Variants in EFCAB5 observed in about 807,000 individuals in gnomAD.
The protein encoded by EFCAB5 is EF-hand calcium-binding domain-containing protein 5.
EFCAB5 carries 131 observed loss-of-function variants against 167.9 expected under a neutral mutation model. The observed-to-expected ratio is 0.78, with a 90% CI of 0.68 to 0.90. EFCAB5 has a LOEUF of 0.90. Ranked by LOEUF, EFCAB5 falls within the 40% of genes least tolerant of loss-of-function variation. The pLI is 0.00. For synonymous variants in EFCAB5, 574 were observed against 602.8 expected (o/e 0.95, Z 0.70); for missense variants, 1,663 against 1,745.2 (o/e 0.95, Z 0.84).
intron 7 of EFCAB5, among the ~76,000 whole-genome samples, chr17:30,014,753 A>G (rs2068991561): frequency 6.6e-6 from 1 of 152,016 alleles, no homozygotes; most frequent in Non-Finnish European, 1.5e-5. Flanking sequence ...ACTCTATCCA[A>G]TTTGCCAGTC....
intron 14 of EFCAB5, among the ~76,000 whole-genome samples, chr17:30,067,007 A>G (rs2070589674): frequency 6.6e-6 from 1 of 152,244 alleles, no homozygotes; most frequent in African/African-American, 2.4e-5. Flanking sequence ...ACACGATTTA[A>G]TCTGTAATAA....
At chr17:30,098,535 A>AG (rs1238845860) in intron 22 of EFCAB5, among the ~76,000 whole-genome samples, 1 of 148,034 alleles carries the variant, frequency 6.8e-6, no homozygotes, top group African/African-American at 2.6e-5. Context: ...CTGTCTACAG[A>AG]GAAAAAAAAA....
chr17:30,068,194 C>T (rs765821289), intron 14 of EFCAB5, among the ~76,000 whole-genome samples: 4 of 151,744 alleles, frequency 2.6e-5, no homozygotes, highest in Non-Finnish European at 5.9e-5. Context: ...CCCAGCTACT[C>T]GGGAGGCTGA....
At chr17:30,057,147 G>T (rs1379495460) in intron 12 of EFCAB5, among the ~76,000 whole-genome samples, 1 of 152,134 alleles carries the variant, frequency 6.6e-6, no homozygotes, top group African/African-American at 2.4e-5. Context: ...AAAGTTCAGC[G>T]TGCAGCTGTT....
chr17:29,969,471 C>A, intron 4 of EFCAB5, 104 bp downstream of exon 4: 2 of 1,025,110 alleles, frequency 2.0e-6, no homozygotes, highest in Non-Finnish European at 2.8e-6. Context: ...AGTGATTCTA[C>A]AGTTATTCAG....
chr17:30,012,121 G>A (rs546989010), intron 7 of EFCAB5, among the ~76,000 whole-genome samples: 14 of 152,298 alleles, frequency 9.2e-5, no homozygotes, highest in Middle Eastern at 3.4e-3. Flanking sequence ...TAACGCCAGC[G>A]TCTGGGAAGA....
intron 17 of EFCAB5, among the ~76,000 whole-genome samples, chr17:30,081,501 C>T (rs1170295241): frequency 6.6e-6 from 1 of 152,124 alleles, no homozygotes; most frequent in East Asian, 1.9e-4. Context: ...AAATGATAGG[C>T]ACTTTTAAGA....
chr17:29,996,946 G>A (rs1474782236), intron 6 of EFCAB5, among the ~76,000 whole-genome samples: 1 of 151,894 alleles, frequency 6.6e-6, no homozygotes, highest in Non-Finnish European at 1.5e-5. Context: ...TATATACTAG[G>A]ATTAAGACTT....
chr17:29,976,914 T>C (rs2068073659), intron 4 of EFCAB5, among the ~76,000 whole-genome samples: 1 of 152,180 alleles, frequency 6.6e-6, no homozygotes, highest in Non-Finnish European at 1.5e-5. Context: ...GTAGCCACTA[T>C]ATCTGAAAAA....
chr17:30,024,242 G>A (rs1484181987), intron 7 of EFCAB5, among the ~76,000 whole-genome samples: 2 of 152,004 alleles, frequency 1.3e-5, no homozygotes, highest in East Asian at 3.9e-4. Flanking sequence ...AAGTCAAATT[G>A]TCCCTGTTTG....
rs1421306025 is a variant in EFCAB5 at position 30,056,127 on chromosome 17, A to G, written c.2336A>G (p.Asn779Ser). 6.2e-7 allele frequency: 1 copy of G among 1,611,624 alleles called. No individual in the cohort carries two copies. The highest frequency in any genetic ancestry group is 1.3e-5 in the African/African-American group (1 of 74,920). The change falls in exon 12 of 23, where the codon AAC becomes AGC. Residue 779 changes from asparagine to serine, a missense_variant. Physicochemically the swap from Asn to Ser is conservative, Grantham distance 46. Transcript: ENST00000394835. ...YVTFEDEEQA[N>S]LIYGNSRFTD... ...ACATTTGAAGATGAGGAACAGGCAA[A>G]CTTAATCTATGGTAACTCCAGGTTC...
Position 29,993,400 on chromosome 17 carries a change from A to G in EFCAB5, c.924+79A>G, listed in dbSNP as rs897707460. Reference sequence around the variant, plus strand: ...CAATTGCTAGAATACTGAGTAGCATACTAGAAGCCTCCCTTGAAATTTTCA... The same window carrying G: ...CAATTGCTAGAATACTGAGTAGCATGCTAGAAGCCTCCCTTGAAATTTTCA... On this transcript the variant is annotated intron_variant, in intron 5 of 22. Transcript: ENST00000394835. 11 of 1,381,098 alleles carry G rather than the reference A, an allele frequency of 8.0e-6. No individual in the cohort carries two copies. The African/African-American group carries it at 1.0e-4, about 13-fold the overall frequency. The allele number at this position is 1,381,098 out of a possible 1,614,324, so 85.6% of individuals were successfully genotyped here.
At chr17:30,093,141 C>G (rs2071232955) in intron 22 of EFCAB5, among the ~76,000 whole-genome samples, 1 of 152,136 alleles carries the variant, frequency 6.6e-6, no homozygotes, top group Non-Finnish European at 1.5e-5. Flanking sequence ...AATTCAAAAG[C>G]ACATCTATCT....
intron 19 of EFCAB5, 35 bp downstream of exon 19, chr17:30,087,201 A>G: frequency 6.4e-7 from 1 of 1,569,226 alleles, no homozygotes; most frequent in South Asian, 1.1e-5. Context: ...GACTGCTAGA[A>G]CACATCCTTC....
intron 18 of EFCAB5, 70 bp from the exon 19 acceptor site, chr17:30,086,993 C>A: frequency 7.4e-7 from 1 of 1,358,558 alleles, no homozygotes; most frequent in Non-Finnish European, 1.0e-6. Context: ...TTCTATTTAT[C>A]TGTCCCCAAA....
At chr17:30,038,272 C>T (rs1224482208) in intron 8 of EFCAB5, among the ~76,000 whole-genome samples, 1 of 152,186 alleles carries the variant, frequency 6.6e-6, no homozygotes, top group Non-Finnish European at 1.5e-5. Flanking sequence ...TGCTCATTGA[C>T]CATTCCAAAA....
chr17:29,972,233 T>G (rs1383765604), intron 4 of EFCAB5, among the ~76,000 whole-genome samples: 8 of 144,996 alleles, frequency 5.5e-5, no homozygotes, highest in South Asian at 2.2e-4. Flanking sequence ...GTATTTTTAG[T>G]AGACATGGGG....
At chr17:29,996,198 C>A in intron 5 of EFCAB5, 114 bp from the exon 6 acceptor site, 2 of 785,158 alleles carry the variant, frequency 2.5e-6, no homozygotes, top group Non-Finnish European at 2.0e-6. Flanking sequence ...TTGGAAAGAT[C>A]ACCCAATACT....
intron 18 of EFCAB5, 146 bp from the exon 19 acceptor site, chr17:30,086,917 C>T (rs2151843009): frequency 1.7e-6 from 1 of 598,594 alleles, no homozygotes; most frequent in South Asian, 2.4e-5. Context: ...ATCCTGTTCT[C>T]TAATGGTACT....
Sources: allele counts gnomAD v4.1 joint callset (sites outside exome capture counted in the v4.1 genomes callset), GRCh38; gene constraint gnomAD v4.1.1; transcripts MANE v1.5; gene names NCBI Gene and HGNC (gene_info 2026-07-23, HGNC 2026-07-21).